IQCE: variants seen among roughly 807,000 people sequenced by gnomAD.
IQCE encodes IQ motif containing E, also known as IQ domain-containing protein E.
A neutral mutation model predicts 96.0 loss-of-function variants in IQCE; 115 were observed. The ratio of observed to expected loss-of-function variants is 1.20; its 90% CI spans 1.03 to 1.40. The LOEUF (loss-of-function observed/expected upper bound fraction) is 1.40. IQCE is among the 40% of genes most tolerant of loss of function. The pLI is 0.00. For synonymous variants in IQCE, 412 were observed against 371.2 expected, an observed-to-expected ratio of 1.11 and a Z score of -1.26; for missense variants, 1,041 against 909.1, an observed-to-expected ratio of 1.15 and a Z score of -1.87.
chr7:2,604,825 G>A (rs967093587), intron 18 of IQCE, 56 bp from the exon 19 acceptor site: 19 of 1,314,828 alleles, frequency 1.4e-5, no homozygotes, highest in Non-Finnish European at 2.0e-5. Context: ...CCTCTCGCCC[G>A]CCGTTGCCCC....
Position 2,567,147 on chromosome 7 carries a change from ACT to A in IQCE, c.71_72del (p.Ser24Ter), listed in dbSNP as rs778644976. 2.5e-6 allele frequency: 4 copies of A among 1,613,498 alleles called. No individual in the cohort carries two copies. The African/African-American group carries it at 5.3e-5, about 22-fold the overall frequency. On this transcript the variant is annotated frameshift_variant, in exon 2 of 22. Coordinates refer to ENST00000402050, the MANE Select transcript of IQCE (RefSeq NM_152558.5). LOFTEE classifies it high-confidence loss of function. ...GACAGTCTGTCTGCAGTCACCTTTG[ACT>A]CTGATGTGGAGACGGTGAGTGCCGC...
At chr7:2,588,008 C>T (rs528644768) in intron 13 of IQCE, 131 bp downstream of exon 13, 74 of 835,372 alleles carry the variant, frequency 8.9e-5, no homozygotes, top group South Asian at 2.9e-4. Context: ...ACACACAGAC[C>T]GCAAGGAGAC....
In IQCE at chr7:2,564,211, C is replaced by CA. The variant is rs565136211; in HGVS notation, c.37-2898dup. Among the ~76,000 whole-genome samples the CA allele has an allele frequency of 1.2e-4, 18 of 151,844 alleles. No homozygotes were observed. In the East Asian group the frequency reaches 3.3e-3, roughly 28 times the overall value. ...TGGGCAACAGAGCAAGACTCCACCT[C>CA]AAAAAAACAAAAAATTTCACTCATC... On this transcript the variant is annotated intron_variant, in intron 1 of 21. Transcript: ENST00000402050.
At chr7:2,562,995 A>G (rs1251205108) in intron 1 of IQCE, among the ~76,000 whole-genome samples, 2 of 152,030 alleles carry the variant, frequency 1.3e-5, no homozygotes, top group African/African-American at 4.8e-5. Context: ...GCACAATCAC[A>G]GCTCCCTGCA....
intron 20 of IQCE, 138 bp from the exon 21 acceptor site, chr7:2,606,986 G>T (rs745725723): frequency 9.4e-6 from 7 of 744,034 alleles, no homozygotes; most frequent in Middle Eastern, 3.2e-4. Flanking sequence ...AGCGCTGGTC[G>T]TGGGGCTCGG....
intron 21 of IQCE, among the ~76,000 whole-genome samples, chr7:2,608,497 T>A (rs1784975237): frequency 6.6e-6 from 1 of 152,210 alleles, no homozygotes; most frequent in Admixed American, 6.5e-5. Flanking sequence ...ACTTTGATAT[T>A]CTCTCCAAAA....
At chr7:2,568,730 C>A (rs769568494) in intron 2 of IQCE, among the ~76,000 whole-genome samples, 1 of 152,206 alleles carries the variant, frequency 6.6e-6, no homozygotes, top group Non-Finnish European at 1.5e-5. Context: ...GTAATTGGAA[C>A]TTGTGCTCTG....
intron 7 of IQCE, 57 bp from the exon 8 acceptor site, chr7:2,578,419 A>C: frequency 3.1e-6 from 5 of 1,601,342 alleles, no homozygotes; most frequent in Non-Finnish European, 4.3e-6. Context: ...TCTGCCAGCC[A>C]GCCCTGCTGG....
intron 14 of IQCE, among the ~76,000 whole-genome samples, chr7:2,590,530 C>T (rs370399917): frequency 1.3e-5 from 2 of 152,098 alleles, no homozygotes; most frequent in Non-Finnish European, 2.9e-5. Flanking sequence ...TTTGGGAGGC[C>T]GAAGTGGGAG....
chr7:2,564,319 GCA>G (rs1781200731), intron 1 of IQCE, among the ~76,000 whole-genome samples: 1 of 152,034 alleles, frequency 6.6e-6, no homozygotes, highest in Non-Finnish European at 1.5e-5. Flanking sequence ...TCCAGGCCAG[GCA>G]CAGTGACTCA....
intron 3 of IQCE, among the ~76,000 whole-genome samples, chr7:2,569,732 G>T (rs1430999150): frequency 6.6e-6 from 1 of 152,164 alleles, no homozygotes; most frequent in Non-Finnish European, 1.5e-5. Flanking sequence ...GTAGATGTGT[G>T]TCTATTTTAT....
chr7:2,601,244 C>G (rs1433223829), intron 17 of IQCE, among the ~76,000 whole-genome samples, 197 bp from the exon 18 acceptor site: 1 of 152,186 alleles, frequency 6.6e-6, no homozygotes, highest in Non-Finnish European at 1.5e-5. Context: ...TCCCGCCATC[C>G]TAATTCTGCC....
chr7:2,567,066 G>A (rs1372488366), intron 1 of IQCE, 50 bp from the exon 2 acceptor site: 2 of 1,530,366 alleles, frequency 1.3e-6, no homozygotes, highest in Non-Finnish European at 1.8e-6. Flanking sequence ...GTGATGGTCG[G>A]AAGCCCAGCA....
At chr7:2,596,752 G>A (rs987616445) in intron 16 of IQCE, 1 of 333,818 alleles carries the variant, frequency 3.0e-6, no homozygotes, top group Non-Finnish European at 6.0e-6. Flanking sequence ...GGCACAGGCC[G>A]CGGACTAACA....
chr7:2,581,881 T>G (rs1394470837), intron 8 of IQCE: 1 of 263,438 alleles, frequency 3.8e-6, no homozygotes, highest in Non-Finnish European at 8.1e-6. Context: ...GGCTAATTTT[T>G]TTTTGTATTT....
chr7:2,596,563 C>T (rs1462446734), intron 16 of IQCE, among the ~76,000 whole-genome samples: 1 of 152,108 alleles, frequency 6.6e-6, no homozygotes, highest in Non-Finnish European at 1.5e-5. Flanking sequence ...GGGATCAGCT[C>T]TCAGCATTCA....
chr7:2,586,774 C>T lies in IQCE; in HGVS notation c.988+403C>T, dbSNP rs73293633. Among the ~76,000 whole-genome samples, 1,437 of 152,114 alleles carry T rather than the reference C, an allele frequency of 9.4e-3. 24 individuals are homozygous for T. Among genetic ancestry groups the T allele is most frequent in the African/African-American group, 0.033 (1,352 of 41,494 alleles). ...ACAGCTGAGCGGGACCTGGAAGGGG[C>T]GAGATAGCCATGAAGACGGCAGCAG... On this transcript the variant is annotated intron_variant, in intron 12 of 21. Transcript: ENST00000402050.
At chr7:2,599,076 C>T (rs1299376331) in intron 17 of IQCE, among the ~76,000 whole-genome samples, 1 of 152,224 alleles carries the variant, frequency 6.6e-6, no homozygotes, top group Admixed American at 6.5e-5. Context: ...CATTCGGTCA[C>T]GGCGGTTCTC....
intron 21 of IQCE, among the ~76,000 whole-genome samples, chr7:2,608,579 C>A (rs995975098): frequency 3.9e-5 from 6 of 152,314 alleles, no homozygotes; most frequent in African/African-American, 1.2e-4. Context: ...ACACGCAAAG[C>A]GGTCGGGCCG....
Sources: allele counts gnomAD v4.1 joint callset (sites outside exome capture counted in the v4.1 genomes callset), GRCh38; gene constraint gnomAD v4.1.1; transcripts MANE v1.5; gene names NCBI Gene and HGNC (gene_info 2026-07-23, HGNC 2026-07-21).